The following NIM1K variants were observed in gnomAD, a reference collection of about 807,000 sequenced individuals.
NIM1K encodes the protein NIM1 serine/threonine protein kinase, also known as serine/threonine-protein kinase NIM1.
In NIM1K, 35 loss-of-function variants were observed where a neutral mutation model predicts 37.1. The observed-to-expected ratio is 0.94, with a 90% CI of 0.72 to 1.25. NIM1K has a LOEUF of 1.25. Ranked by LOEUF, NIM1K falls within the 50% of genes most tolerant of loss-of-function variation. NIM1K has a pLI of 0.00. For missense variants in NIM1K, 564 were observed against 548.0 expected (o/e 1.03, Z -0.29); for synonymous variants, 234 against 206.6 (o/e 1.13, Z -1.14).
chr5:43,239,823 C>A (rs1396131587), intron 1 of NIM1K, among the ~76,000 whole-genome samples: 1 of 152,044 alleles, frequency 6.6e-6, no homozygotes, highest in Non-Finnish European at 1.5e-5. Context: ...TTGTAACTTT[C>A]CTCCTCTTAT....
intron 1 of NIM1K, among the ~76,000 whole-genome samples, chr5:43,220,525 C>T (rs1166088936): frequency 6.6e-6 from 1 of 152,160 alleles, no homozygotes; most frequent in Admixed American, 6.5e-5. Context: ...AGGTGATCCG[C>T]CCGCCTTGGC....
chr5:43,255,754 A>AAAAGAAAGAAAG (rs1554016081), intron 2 of NIM1K, among the ~76,000 whole-genome samples: 38,049 of 131,234 alleles, frequency 0.29, 6,166 homozygotes, highest in East Asian at 0.59. Context: ...TCTCAAAAAA[A>AAAAGAAAGAAAG]AAAGAAAGAA....
intron 1 of NIM1K, chr5:43,232,574 A>G (rs1380016097): frequency 1.3e-6 from 2 of 1,578,834 alleles, no homozygotes; most frequent in Admixed American, 1.7e-5. Context: ...ATGAAGACAC[A>G]ATCAGAGTGC....
chr5:43,264,642 G>A (rs1753093139), intron 2 of NIM1K, among the ~76,000 whole-genome samples: 1 of 152,170 alleles, frequency 6.6e-6, no homozygotes, highest in South Asian at 2.1e-4. Context: ...ATTGTTTTGT[G>A]TGAATTTGAT....
At chr5:43,200,067 C>T (rs555999566) in intron 1 of NIM1K, among the ~76,000 whole-genome samples, 4 of 152,150 alleles carry the variant, frequency 2.6e-5, no homozygotes, top group Non-Finnish European at 4.4e-5. Flanking sequence ...TTAGCAGAGA[C>T]GGGGTTTCTT....
At chr5:43,217,683 A>T (rs961522263) in intron 1 of NIM1K, among the ~76,000 whole-genome samples, 7 of 149,488 alleles carry the variant, frequency 4.7e-5, no homozygotes, top group Admixed American at 1.3e-4. Context: ...TTCTTTGGAG[A>T]AATGTCTATT....
intron 1 of NIM1K, among the ~76,000 whole-genome samples, 193 bp downstream of exon 1, chr5:43,192,604 C>T (rs35839054): frequency 0.097 from 14,728 of 152,284 alleles, 845 homozygotes; most frequent in East Asian, 0.19. Context: ...GGCGTACCCC[C>T]ACACCTGCCC....
intron 1 of NIM1K, among the ~76,000 whole-genome samples, chr5:43,239,376 TACA>T (rs1379664449): frequency 6.6e-6 from 1 of 151,794 alleles, no homozygotes; most frequent in Non-Finnish European, 1.5e-5. Context: ...TAGCTAGAAT[TACA>T]GGTGCCCGCC....
In NIM1K at chr5:43,277,115, A is replaced by G. The variant is rs1247316216; in HGVS notation, c.351A>G (p.Leu117=). 8.1e-6 allele frequency: 13 copies of G among 1,614,118 alleles called. No individual in the cohort carries two copies. Among genetic ancestry groups the G allele is most frequent in the African/African-American group, 1.3e-5 (1 of 75,038 alleles). Residue 117 remains leucine, a synonymous_variant, in exon 3 of 4, where the codon CTA becomes CTG. Coordinates refer to ENST00000326035, the MANE Select transcript of NIM1K (RefSeq NM_153361.4). ...AGTTAGACCAGAAAACCCAGAGGCT[A>G]CTATCCCGAGAAATCTCCAGCATGG... is the stretch of plus-strand genomic sequence containing the variant. ...KTKLDQKTQR[L]LSREISSMEK... is the part of the protein sequence containing the mutation.
intron 1 of NIM1K, chr5:43,206,592 G>T: frequency 1.8e-6 from 1 of 556,784 alleles, no homozygotes; most frequent in South Asian, 2.0e-5. Flanking sequence ...AATAAGAAAC[G>T]AGCAAGTGCT....
At chr5:43,244,900 G>A (rs1752753610) in intron 1 of NIM1K, among the ~76,000 whole-genome samples, 182 bp from the exon 2 acceptor site, 1 of 152,116 alleles carries the variant, frequency 6.6e-6, no homozygotes, top group Admixed American at 6.5e-5. Context: ...TAGGTTGAGA[G>A]GTGTGTGTAT....
chr5:43,198,780 A>C (rs1579951588), intron 1 of NIM1K, among the ~76,000 whole-genome samples: 1 of 152,204 alleles, frequency 6.6e-6, no homozygotes, highest in Admixed American at 6.5e-5. Flanking sequence ...CTTGGATGTT[A>C]ATTGCCTGTA....
rs5867624 is a variant in NIM1K at position 43,224,047 on chromosome 5, C to CTT, written c.-694-21027_-694-21026dup. ...AGAAAGGTTGAATACATTATTTTCA[C>CTT]TTTTTTTTTGTCTTTTTGTTTTTTT... On this transcript the variant is annotated intron_variant, in intron 1 of 3. Transcript: ENST00000326035. Among the ~76,000 whole-genome samples, 963 of 147,542 alleles carry CTT rather than the reference C, an allele frequency of 6.5e-3. 5 individuals carry two copies. Among genetic ancestry groups the CTT allele is most frequent in the African/African-American group, 0.016 (651 of 40,120 alleles).
intron 1 of NIM1K, among the ~76,000 whole-genome samples, chr5:43,229,224 A>G (rs1752502376): frequency 6.6e-6 from 1 of 152,016 alleles, no homozygotes. Flanking sequence ...GTCTCTACTA[A>G]AAATACAAAA....
chr5:43,194,349 C>T (rs577921689), intron 1 of NIM1K, among the ~76,000 whole-genome samples: 1 of 152,278 alleles, frequency 6.6e-6, no homozygotes, highest in African/African-American at 2.4e-5. Flanking sequence ...CTAGTAAACC[C>T]TCATGGGTTT....
chr5:43,198,185 T>TC (rs1751951804), intron 1 of NIM1K, among the ~76,000 whole-genome samples: 1 of 57,624 alleles, frequency 1.7e-5, no homozygotes, highest in African/African-American at 6.8e-5. Flanking sequence ...CTTTCTTTCT[T>TC]TCTTTCTTTC....
At chr5:43,257,737 C>T (rs1752967714) in intron 2 of NIM1K, among the ~76,000 whole-genome samples, 1 of 150,988 alleles carries the variant, frequency 6.6e-6, no homozygotes, top group Admixed American at 6.6e-5. Flanking sequence ...TCAAGAGAGG[C>T]TTTTTTGTGA....
intron 1 of NIM1K, among the ~76,000 whole-genome samples, chr5:43,234,630 T>G (rs1278451581): frequency 4.6e-5 from 7 of 151,994 alleles, no homozygotes; most frequent in Non-Finnish European, 8.8e-5. Context: ...TATTTTATAG[T>G]ATTTTATTTA....
At chr5:43,274,399 TG>T (rs35507080) in intron 2 of NIM1K, among the ~76,000 whole-genome samples, 58,849 of 151,836 alleles carry the variant, frequency 0.39, 13,145 homozygotes, top group East Asian at 0.78. Context: ...GAGTCAGTAA[TG>T]GGAGAACTGA....
Sources: allele counts gnomAD v4.1 joint callset (sites outside exome capture counted in the v4.1 genomes callset), GRCh38; gene constraint gnomAD v4.1.1; transcripts MANE v1.5; gene names NCBI Gene and HGNC (gene_info 2026-07-23, HGNC 2026-07-21).